Variants in CDH4 observed in about 807,000 individuals in gnomAD.
CDH4 encodes cadherin 4, also known as cadherin-4.
A neutral mutation model predicts 86.0 loss-of-function variants in CDH4; 33 were observed. The observed-to-expected ratio is 0.38, with a 90% CI of 0.29 to 0.51. The LOEUF (loss-of-function observed/expected upper bound fraction) is 0.51. CDH4 is among the 20% of genes least tolerant of loss of function. The pLI is 0.86. For synonymous variants in CDH4, 555 were observed against 549.4 expected, an observed-to-expected ratio of 1.01 and a Z score of -0.14; for missense variants, 1,114 against 1,307.4, an observed-to-expected ratio of 0.85 and a Z score of 2.28.
intron 4 of CDH4, among the ~76,000 whole-genome samples, chr20:61,817,666 C>T (rs1381315154): frequency 6.6e-6 from 1 of 152,174 alleles, no homozygotes; most frequent in African/African-American, 2.4e-5. Context: ...GGTGTCTGCG[C>T]GTTCATCTCT....
chr20:61,344,754 T>G (rs1334729035), intron 2 of CDH4, among the ~76,000 whole-genome samples: 1 of 152,344 alleles, frequency 6.6e-6, no homozygotes, highest in Middle Eastern at 3.4e-3. Flanking sequence ...AATATTTTAC[T>G]TTTTGTGTGA....
At chr20:61,891,892 T>C (rs1984839093) in intron 7 of CDH4, among the ~76,000 whole-genome samples, 1 of 152,154 alleles carries the variant, frequency 6.6e-6, no homozygotes. Flanking sequence ...CTGAGATGCT[T>C]GTGGCCTTGC....
intron 4 of CDH4, among the ~76,000 whole-genome samples, chr20:61,826,717 G>A (rs1600691504): frequency 6.6e-6 from 1 of 152,204 alleles, no homozygotes; most frequent in East Asian, 1.9e-4. Flanking sequence ...GCATTAGGGT[G>A]TGCTGGGTCC....
At chr20:61,775,110 C>T (rs1009029479) in intron 4 of CDH4, among the ~76,000 whole-genome samples, 1 of 152,026 alleles carries the variant, frequency 6.6e-6, no homozygotes, top group African/African-American at 2.4e-5. Flanking sequence ...ACTGTTTATC[C>T]CCAAAGGAGA....
intron 4 of CDH4, among the ~76,000 whole-genome samples, chr20:61,820,836 G>A (rs1980983411): frequency 6.6e-6 from 1 of 152,120 alleles, no homozygotes. Context: ...AGGCAGCCAG[G>A]CAGGGAGGCT....
At chr20:61,327,205 A>G (rs956366686) in intron 2 of CDH4, among the ~76,000 whole-genome samples, 2 of 152,254 alleles carry the variant, frequency 1.3e-5, no homozygotes, top group Non-Finnish European at 2.9e-5. Context: ...GAAAAGGCAG[A>G]TATGTGTGGC....
intron 4 of CDH4, among the ~76,000 whole-genome samples, chr20:61,776,043 G>C (rs72658789): frequency 0.026 from 3,888 of 152,288 alleles, 163 homozygotes; most frequent in African/African-American, 0.088. Flanking sequence ...CTGAGGAAGT[G>C]TGGGCTGGGA....
At chr20:61,808,441 A>G (rs1249600876) in intron 4 of CDH4, among the ~76,000 whole-genome samples, 1 of 152,186 alleles carries the variant, frequency 6.6e-6, no homozygotes, top group African/African-American at 2.4e-5. Flanking sequence ...CGGTGGGGAA[A>G]GCCTCCGTGT....
chr20:61,379,256 G>A (rs1033400762), intron 2 of CDH4, among the ~76,000 whole-genome samples: 1 of 152,230 alleles, frequency 6.6e-6, no homozygotes, highest in South Asian at 2.1e-4. Context: ...GATGCACGTG[G>A]TTTTGGAGTG....
At chr20:61,554,153 A>G (rs2086156463) in intron 2 of CDH4, among the ~76,000 whole-genome samples, 2 of 152,182 alleles carry the variant, frequency 1.3e-5, no homozygotes. Flanking sequence ...AGACAGAGCT[A>G]TGATATATTT....
intron 4 of CDH4, among the ~76,000 whole-genome samples, chr20:61,793,870 G>A (rs1325378892): frequency 1.4e-5 from 2 of 147,758 alleles, no homozygotes; most frequent in African/African-American, 2.5e-5. Context: ...CAGGTACGGT[G>A]GCTCACTCCT....
intron 2 of CDH4, among the ~76,000 whole-genome samples, chr20:61,679,876 T>G (rs6061727): frequency 6.6e-6 from 1 of 152,176 alleles, no homozygotes; most frequent in Non-Finnish European, 1.5e-5. Context: ...CTGGGTGGAC[T>G]TCCAAGGCTC....
At chr20:61,280,778 C>G (rs950679545) in intron 2 of CDH4, among the ~76,000 whole-genome samples, 1 of 152,266 alleles carries the variant, frequency 6.6e-6, no homozygotes, top group Non-Finnish European at 1.5e-5. Context: ...GCGTGTGAAG[C>G]GCCGGCCACA....
In CDH4 at chr20:61,697,529, C is replaced by T. The variant is rs187561110; in HGVS notation, c.170-46034C>T. 2.0e-5 allele frequency among the ~76,000 whole-genome samples: 3 copies of T among 152,092 alleles called. No individual in the cohort carries two copies. In the East Asian group the frequency reaches 5.8e-4, roughly 29 times the overall value. ...AGGAGAATCGCTTGAACCCAGGAGGCGGAGGTTGCAGTGAGCCGAGATCAC... is the reference window on the plus strand; with the variant it reads ...AGGAGAATCGCTTGAACCCAGGAGGTGGAGGTTGCAGTGAGCCGAGATCAC... On this transcript the variant is annotated intron_variant, in intron 2 of 15. Coordinates refer to ENST00000614565, the MANE Select transcript of CDH4 (RefSeq NM_001794.5).
intron 2 of CDH4, among the ~76,000 whole-genome samples, chr20:61,304,693 C>G (rs1188811096): frequency 1.3e-5 from 2 of 152,110 alleles, no homozygotes; most frequent in East Asian, 3.9e-4. Context: ...CGATGTATTT[C>G]TAGACTATGT....
At chr20:61,816,692 G>GA (rs1342602940) in intron 4 of CDH4, among the ~76,000 whole-genome samples, 4 of 151,850 alleles carry the variant, frequency 2.6e-5, no homozygotes, top group Non-Finnish European at 5.9e-5. Flanking sequence ...GTTAAATGGG[G>GA]GGGGGCGGTT....
chr20:61,447,277 C>T (rs929003675), intron 2 of CDH4, among the ~76,000 whole-genome samples: 2 of 151,932 alleles, frequency 1.3e-5, no homozygotes, highest in African/African-American at 4.8e-5. Context: ...CTGCCCCAGC[C>T]TCCCAAGTAG....
chr20:61,378,459 G>T (rs1391656105), intron 2 of CDH4, among the ~76,000 whole-genome samples: 2 of 152,036 alleles, frequency 1.3e-5, no homozygotes, highest in Non-Finnish European at 2.9e-5. Flanking sequence ...CCCTCCCTGG[G>T]TTTCTCCAGC....
chr20:61,896,309 G>C (rs1261236344), intron 8 of CDH4, among the ~76,000 whole-genome samples: 1 of 152,180 alleles, frequency 6.6e-6, no homozygotes, highest in African/African-American at 2.4e-5. Flanking sequence ...CTCCCGGTGG[G>C]TGGGCCGGCT....
Sources: gnomAD v4.1 joint callset for allele counts (sites outside exome capture counted in the v4.1 genomes callset) on GRCh38, gnomAD v4.1.1 for gene constraint, MANE v1.5 for transcripts, NCBI Gene and HGNC (gene_info 2026-07-23, HGNC 2026-07-21) for gene names.